ZNF552: variants seen among roughly 807,000 people sequenced by gnomAD.
ZNF552 encodes zinc finger protein 552.
In ZNF552, 2 loss-of-function variants were observed where a neutral mutation model predicts 7.2. The ratio of observed to expected loss-of-function variants is 0.28; its 90% CI spans 0.11 to 0.88. The LOEUF (loss-of-function observed/expected upper bound fraction) is 0.88. Ranked by LOEUF, ZNF552 falls within the 40% of genes least tolerant of loss-of-function variation. The probability of loss-of-function intolerance (pLI) is 0.60; values close to 1 mark genes in which losing one functional copy is unlikely to be tolerated. For synonymous variants in ZNF552, 173 were observed against 176.5 expected, an observed-to-expected ratio of 0.98 and a Z score of 0.16; for missense variants, 421 against 493.4, an observed-to-expected ratio of 0.85 and a Z score of 1.39.
intron 1 of ZNF552, among the ~76,000 whole-genome samples, chr19:57,814,092 G>A (rs1485149566): frequency 6.6e-6 from 1 of 152,090 alleles, no homozygotes; most frequent in Non-Finnish European, 1.5e-5. Context: ...AAAGGCCTGA[G>A]GGAAGAGGCT....
rs1987869051 is a variant in ZNF552 at position 57,812,081 on chromosome 19, T to C, written c.160+1213A>G. 2.1e-5 allele frequency among the ~76,000 whole-genome samples: 3 copies of C among 145,992 alleles called. No homozygotes were observed. The Admixed American group carries it at 2.1e-4, about 10-fold the overall frequency. ...CTGGGCATAATGGCATGCACCTGTA[T>C]TCCCAGCTTCTCAGGAGGCTGAAGC... On this transcript the variant is annotated intron_variant, in intron 2 of 2. Coordinates refer to ENST00000391701, the MANE Select transcript of ZNF552 (RefSeq NM_024762.3).
chr19:57,807,936 A>C lies in ZNF552; in HGVS notation c.*104T>G, dbSNP rs1258193079. The C allele has an allele frequency of 4.3e-6, 6 of 1,389,552 alleles. No individual in the cohort carries two copies. The highest frequency in any genetic ancestry group is 4.7e-5 in the Admixed American group (2 of 42,412). The allele number at this position is 1,389,552 out of a possible 1,614,324, so 86.1% of individuals were successfully genotyped here. ...TCTAGTGTGAACTCTCCAATATCCA[A>C]GGAGAGCAGACCTTTGGGTAAACAT... On this transcript the variant is annotated 3_prime_UTR_variant, in exon 3 of 3. Coordinates refer to ENST00000391701, the MANE Select transcript of ZNF552 (RefSeq NM_024762.3).
At chr19:57,809,631 A>G (rs1987816825) in intron 2 of ZNF552, among the ~76,000 whole-genome samples, 1 of 149,312 alleles carries the variant, frequency 6.7e-6, no homozygotes, top group African/African-American at 2.5e-5. Flanking sequence ...TCATGTACAA[A>G]TCAGTTAAAG....
chr19:57,807,883 A>G lies in ZNF552; in HGVS notation c.*157T>C, dbSNP rs1309373089. On this transcript the variant is annotated 3_prime_UTR_variant, in exon 3 of 3. Transcript: ENST00000391701. ...CAGAGGTGTGGCTACAAAACTGCCC[A>G]AATTTATTTTACTTGTAAGGACTCT... The G allele has an allele frequency of 9.2e-7, 1 of 1,085,172 alleles. No homozygotes were observed. The highest frequency in any genetic ancestry group is 1.6e-5 in the African/African-American group (1 of 63,130). The allele number at this position is 1,085,172 out of a possible 1,614,324, so 67.2% of individuals were successfully genotyped here. A position where few individuals can be genotyped will look rare whatever the true frequency, so the allele number is the denominator to read the frequency against.
At chr19:57,810,008 G>A (rs1987823137) in intron 2 of ZNF552, among the ~76,000 whole-genome samples, 1 of 152,268 alleles carries the variant, frequency 6.6e-6, no homozygotes, top group South Asian at 2.1e-4. Context: ...TCAGGAGACT[G>A]AGGCTGGAGG....
At chr19:57,809,568 T>G (rs1461721289) in intron 2 of ZNF552, among the ~76,000 whole-genome samples, 1 of 151,730 alleles carries the variant, frequency 6.6e-6, no homozygotes, top group African/African-American at 2.4e-5. Flanking sequence ...AATTAAGATG[T>G]GAGGTCCAGA....
At position 57,807,968 on chromosome 19, in the gene ZNF552, C is replaced by T. The variant is rs1253455969; in HGVS notation, c.*72G>A. The stretch of plus-strand genomic sequence containing the variant: ...CAGACCTTTGGGTAAACATTTTCCA[C>T]ATTTGCTGCAATCACAGGATCTTAC... On this transcript the variant is annotated 3_prime_UTR_variant, in exon 3 of 3. Transcript: ENST00000391701. 2.7e-6 allele frequency: 4 copies of T among 1,495,164 alleles called. No individual in the cohort carries two copies. In the South Asian group the frequency reaches 5.4e-5, roughly 20 times the overall value. 92.6% of individuals were successfully genotyped at this position (1,495,164 alleles called of 1,614,324 possible). A position where few individuals can be genotyped will look rare whatever the true frequency, so the allele number is the denominator to read the frequency against.
intron 1 of ZNF552, among the ~76,000 whole-genome samples, chr19:57,814,029 C>A (rs970421945): frequency 1.3e-5 from 2 of 152,098 alleles, no homozygotes; most frequent in Non-Finnish European, 2.9e-5. Context: ...CCACTGCACC[C>A]GGCCCCACCC....
intron 1 of ZNF552, 43 bp downstream of exon 1, chr19:57,814,668 T>C (rs1987925920): frequency 6.2e-7 from 1 of 1,613,848 alleles, no homozygotes; most frequent in African/African-American, 1.3e-5. Context: ...AGGACTTGTG[T>C]GACTAGGAGG....
chr19:57,813,468 G>A, intron 1 of ZNF552, 48 bp from the exon 2 acceptor site: 2 of 1,591,134 alleles, frequency 1.3e-6, no homozygotes, highest in Non-Finnish European at 1.7e-6. Flanking sequence ...CTATGCTGAG[G>A]TATCACAATC....
chr19:57,814,666 T>C (rs765294823), intron 1 of ZNF552, 45 bp downstream of exon 1: 5 of 1,613,970 alleles, frequency 3.1e-6, no homozygotes, highest in South Asian at 1.1e-5. Context: ...TTAGGACTTG[T>C]GTGACTAGGA....
At chr19:57,813,762 T>G (rs1987902956) in intron 1 of ZNF552, among the ~76,000 whole-genome samples, 1 of 108,430 alleles carries the variant, frequency 9.2e-6, no homozygotes, top group Admixed American at 1.0e-4. Flanking sequence ...TTTTTTTTTT[T>G]GATACGGAGT....
chr19:57,809,270 A>G (rs781159163), intron 2 of ZNF552, 167 bp from the exon 3 acceptor site: 25 of 1,494,326 alleles, frequency 1.7e-5, no homozygotes, highest in Non-Finnish European at 2.1e-5. Flanking sequence ...ACTGGACTAT[A>G]ATGGTCACAG....
Position 57,813,598 on chromosome 19 carries a change from G to C in ZNF552, c.34-178C>G, listed in dbSNP as rs751790070. Among the ~76,000 whole-genome samples, 31 of 152,164 alleles carry C rather than the reference G, an allele frequency of 2.0e-4. No homozygotes were observed. The Middle Eastern group carries it at 0.01, about 50-fold the overall frequency. On this transcript the variant is annotated intron_variant, in intron 1 of 2. Transcript: ENST00000391701. The stretch of plus-strand genomic sequence containing the variant: ...ACAACAATAGTTAGTTGAACAAATA[G>C]GTATCTGTGCGGTGGCTGTGATATA...
Position 57,813,533 on chromosome 19 carries a change from A to T in ZNF552, c.34-113T>A, listed in dbSNP as rs1987897225. The T allele has an allele frequency of 2.9e-6, 4 of 1,394,776 alleles. No homozygotes were observed. The Admixed American group carries it at 8.5e-5, about 30-fold the overall frequency. The allele number at this position is 1,394,776 out of a possible 1,614,324, so 86.4% of individuals were successfully genotyped here. ...TCCTCCTCTCAAGGTCCTCAAACAT[A>T]GGAGAAACTAGGCCCACTGGTCATG... On this transcript the variant is annotated intron_variant, in intron 1 of 2. Coordinates refer to ENST00000391701, the MANE Select transcript of ZNF552 (RefSeq NM_024762.3).
At position 57,813,355 on chromosome 19, in the gene ZNF552, C is replaced by G; in HGVS notation, c.99G>C (p.Glu33Asp). 2 of 1,614,114 alleles carry G rather than the reference C, an allele frequency of 1.2e-6. No individual in the cohort carries two copies. The highest frequency in any genetic ancestry group is 2.2e-5 in the South Asian group (2 of 91,082). ...FTQEEWNLLS[E>D]AQRCLYRDVT... The stretch of plus-strand genomic sequence containing the variant: ...CATCACGGTACAGGCATCTCTGAGC[C>G]TCACTAAGGAGATTCCATTCCTCCT... The change falls in exon 2 of 3, where the codon GAG becomes GAC. Residue 33 changes from glutamate (E) to aspartate (D), a missense_variant. Glu to Asp is a conservative substitution (Grantham distance 45, BLOSUM62 2). Coordinates refer to ENST00000391701, the MANE Select transcript of ZNF552 (RefSeq NM_024762.3).
intron 2 of ZNF552, 166 bp from the exon 3 acceptor site, chr19:57,809,269 T>A: frequency 6.7e-7 from 1 of 1,495,490 alleles, no homozygotes; most frequent in Non-Finnish European, 9.1e-7. Context: ...TACTGGACTA[T>A]AATGGTCACA....
At chr19:57,811,806 G>A (rs1399392397) in intron 2 of ZNF552, among the ~76,000 whole-genome samples, 5 of 151,332 alleles carry the variant, frequency 3.3e-5, no homozygotes, top group East Asian at 2.0e-4. Flanking sequence ...AAAGGCAGGC[G>A]GATCATGAAG....
chr19:57,814,803 C>G lies in ZNF552; in HGVS notation c.-60G>C. 6.5e-7 allele frequency: 1 copy of G among 1,533,956 alleles called. No homozygotes were observed. Among genetic ancestry groups the G allele is most frequent in the Non-Finnish European group, 8.9e-7 (1 of 1,117,828 alleles). On this transcript the variant is annotated 5_prime_UTR_variant, in exon 1 of 3. Transcript: ENST00000391701. The stretch of plus-strand genomic sequence containing the variant: ...GGGCGCCGTTAAAGAGCTGCAGAGT[C>G]ACGTCTGTGCAAAGAGAAGAACGAC...
Sources: allele counts gnomAD v4.1 joint callset (sites outside exome capture counted in the v4.1 genomes callset), GRCh38; gene constraint gnomAD v4.1.1; transcripts MANE v1.5; gene names NCBI Gene and HGNC (gene_info 2026-07-23, HGNC 2026-07-21).